Variants in KCNQ5 observed in about 807,000 individuals in gnomAD.
KCNQ5 encodes potassium voltage-gated channel subfamily KQT member 5.
KCNQ5 carries 30 observed loss-of-function variants against 98.2 expected under a neutral mutation model. That is an observed-to-expected ratio of 0.31 (90% CI 0.23 to 0.41). The LOEUF is 0.41. KCNQ5 is among the 10% of genes least tolerant of loss of function. KCNQ5 has a pLI of 1.00. For synonymous variants in KCNQ5, 458 were observed against 449.4 expected (o/e 1.02, Z -0.24); for missense variants, 835 against 1,182.5 (o/e 0.71, Z 4.31).
intron 1 of KCNQ5, among the ~76,000 whole-genome samples, chr6:72,732,730 G>A (rs1770620730): frequency 2.0e-5 from 3 of 152,336 alleles, no homozygotes; most frequent in Non-Finnish European, 1.5e-5. Context: ...GAGGTACAGT[G>A]AGAATGGGTT....
At chr6:73,121,795 T>A (rs1000007007) in intron 8 of KCNQ5, among the ~76,000 whole-genome samples, 1 of 152,292 alleles carries the variant, frequency 6.6e-6, no homozygotes, top group East Asian at 1.9e-4. Flanking sequence ...TTAACTACAT[T>A]ACTTCCCTGT....
chr6:72,804,491 A>G (rs1365266461), intron 1 of KCNQ5, among the ~76,000 whole-genome samples: 1 of 152,124 alleles, frequency 6.6e-6, no homozygotes, highest in Non-Finnish European at 1.5e-5. Context: ...ATGTTGTTGC[A>G]AATGACAGAA....
At chr6:73,131,654 G>T (rs1776246480) in intron 9 of KCNQ5, among the ~76,000 whole-genome samples, 1 of 151,866 alleles carries the variant, frequency 6.6e-6, no homozygotes, top group Non-Finnish European at 1.5e-5. Context: ...CCCTTTGACA[G>T]ATTTGTTTAA....
At chr6:72,817,629 C>G (rs757915154) in intron 1 of KCNQ5, among the ~76,000 whole-genome samples, 10 of 152,104 alleles carry the variant, frequency 6.6e-5, no homozygotes, top group Non-Finnish European at 1.3e-4. Context: ...CTCAGTTGCT[C>G]ATGCCTGTAA....
chr6:72,935,639 T>A (rs1251034293), intron 1 of KCNQ5, among the ~76,000 whole-genome samples: 1 of 152,172 alleles, frequency 6.6e-6, no homozygotes, highest in Non-Finnish European at 1.5e-5. Context: ...ACACCTTGGC[T>A]CTGTTATCCC....
At chr6:72,818,587 T>C (rs1195865251) in intron 1 of KCNQ5, among the ~76,000 whole-genome samples, 2 of 151,624 alleles carry the variant, frequency 1.3e-5, no homozygotes, top group African/African-American at 4.8e-5. Context: ...ATAAATTAAA[T>C]TGGAAATGTT....
At chr6:72,908,854 T>C (rs926990594) in intron 1 of KCNQ5, among the ~76,000 whole-genome samples, 1 of 152,168 alleles carries the variant, frequency 6.6e-6, no homozygotes, top group African/African-American at 2.4e-5. Context: ...TTCTTATAAA[T>C]ATTTCTTTCT....
intron 1 of KCNQ5, among the ~76,000 whole-genome samples, chr6:72,668,348 A>G (rs1766931961): frequency 6.6e-6 from 1 of 152,202 alleles, no homozygotes; most frequent in South Asian, 2.1e-4. Context: ...CAATGATGAG[A>G]AAACGGAATT....
intron 1 of KCNQ5, among the ~76,000 whole-genome samples, chr6:72,941,663 C>T (rs1766309981): frequency 1.0e-5 from 1 of 99,648 alleles, no homozygotes; most frequent in African/African-American, 3.0e-5. Flanking sequence ...CCTCCCTCCC[C>T]ATCTCTTTCT....
chr6:73,167,149 G>T (rs1777833884), intron 10 of KCNQ5, among the ~76,000 whole-genome samples: 1 of 152,186 alleles, frequency 6.6e-6, no homozygotes, highest in Non-Finnish European at 1.5e-5. Context: ...ACTGTGTTGT[G>T]TGGGTGGTCA....
chr6:73,147,826 T>C lies in KCNQ5; in HGVS notation c.1468+14185T>C, dbSNP rs1361835585. Among the ~76,000 whole-genome samples the C allele has an allele frequency of 2.6e-5, 4 of 152,112 alleles. 1 individual carries two copies. Among genetic ancestry groups the C allele is most frequent in the Non-Finnish European group, 5.9e-5 (4 of 67,994 alleles). ...AGAGGCATCACAGAGGCAAACGGTA[T>C]GACATTATTAAAATCGTTATTGCTG... On this transcript the variant is annotated intron_variant, in intron 10 of 13. Coordinates refer to ENST00000370398, the MANE Select transcript of KCNQ5 (RefSeq NM_019842.4).
chr6:72,936,140 A>G (rs1765905474), intron 1 of KCNQ5, among the ~76,000 whole-genome samples: 1 of 152,214 alleles, frequency 6.6e-6, no homozygotes, highest in African/African-American at 2.4e-5. Flanking sequence ...GTCTTCTCAA[A>G]CTTGGCACAG....
chr6:72,678,167 T>C (rs1432783934), intron 1 of KCNQ5, among the ~76,000 whole-genome samples: 1 of 152,214 alleles, frequency 6.6e-6, no homozygotes, highest in East Asian at 1.9e-4. Context: ...CTGAAATCTA[T>C]TGACTCTCTC....
intron 10 of KCNQ5, among the ~76,000 whole-genome samples, chr6:73,143,789 A>C (rs1776812432): frequency 6.6e-6 from 1 of 152,206 alleles, no homozygotes; most frequent in Non-Finnish European, 1.5e-5. Context: ...CCTCAGTTAC[A>C]GTATTGATTG....
chr6:73,083,961 T>A (rs1773879747), intron 5 of KCNQ5, among the ~76,000 whole-genome samples: 2 of 152,174 alleles, frequency 1.3e-5, no homozygotes, highest in South Asian at 4.1e-4. Context: ...TCAGGAAGTA[T>A]CAAAAATATA....
At chr6:72,987,420 T>C in intron 1 of KCNQ5, 1 of 698,106 alleles carries the variant, frequency 1.4e-6, no homozygotes, top group Non-Finnish European at 2.7e-6. Flanking sequence ...GACGGGAACC[T>C]AGTTTGGCCA....
At chr6:72,966,183 T>C (rs1347041140) in intron 1 of KCNQ5, among the ~76,000 whole-genome samples, 3 of 152,244 alleles carry the variant, frequency 2.0e-5, no homozygotes, top group Non-Finnish European at 4.4e-5. Flanking sequence ...TTGTTATTTA[T>C]TAGTTTAGGC....
chr6:72,842,649 T>G (rs2150134754), intron 1 of KCNQ5, among the ~76,000 whole-genome samples: 1 of 152,330 alleles, frequency 6.6e-6, no homozygotes, highest in Non-Finnish European at 1.5e-5. Flanking sequence ...CAGCATCTGT[T>G]GTTTCCTGAC....
At chr6:72,629,386 T>C (rs936354586) in intron 1 of KCNQ5, among the ~76,000 whole-genome samples, 2 of 134,582 alleles carry the variant, frequency 1.5e-5, no homozygotes, top group African/African-American at 5.0e-5. Context: ...ATATAAAATG[T>C]TTCATACTCT....
Sources: allele counts gnomAD v4.1 joint callset (sites outside exome capture counted in the v4.1 genomes callset), GRCh38; gene constraint gnomAD v4.1.1; transcripts MANE v1.5; gene names NCBI Gene and HGNC (gene_info 2026-07-23, HGNC 2026-07-21).